ADAM12: variants seen among roughly 807,000 people sequenced by gnomAD.
The protein encoded by ADAM12 is disintegrin and metalloproteinase domain-containing protein 12.
A neutral mutation model predicts 106.4 loss-of-function variants in ADAM12; 70 were observed. That is an observed-to-expected ratio of 0.66 (90% confidence interval 0.54 to 0.80). The LOEUF (loss-of-function observed/expected upper bound fraction) is 0.80. ADAM12 is among the 30% of genes least tolerant of loss of function. The pLI is 0.00. For missense variants in ADAM12, 1,010 were observed against 1,171.9 expected (o/e 0.86, Z 2.02); for synonymous variants, 420 against 433.5 (o/e 0.97, Z 0.39).
At chr10:126,230,847 T>G (rs1958295769) in intron 3 of ADAM12, among the ~76,000 whole-genome samples, 1 of 152,222 alleles carries the variant, frequency 6.6e-6, no homozygotes, top group African/African-American at 2.4e-5. Flanking sequence ...AAAACAAACA[T>G]TTTTAACTTA....
At chr10:126,041,762 C>A (rs987006839) in intron 18 of ADAM12, 1 of 1,066,718 alleles carries the variant, frequency 9.4e-7, no homozygotes, top group Non-Finnish European at 1.1e-6. Context: ...ACACTGGGCC[C>A]AACCCTTGCT....
intron 18 of ADAM12, 121 bp from the exon 19 acceptor site, chr10:126,039,550 C>T (rs772724639): frequency 9.3e-5 from 109 of 1,171,852 alleles, no homozygotes; most frequent in Non-Finnish European, 1.2e-4. Flanking sequence ...AGAGTACACC[C>T]GTGAGTGATG....
intron 8 of ADAM12, among the ~76,000 whole-genome samples, chr10:126,104,405 G>A (rs1228545877): frequency 6.6e-6 from 1 of 150,526 alleles, no homozygotes; most frequent in Non-Finnish European, 1.5e-5. Flanking sequence ...AGCCAAGATG[G>A]CGCCATTGCA....
At chr10:126,209,731 C>T (rs1474875298) in intron 3 of ADAM12, among the ~76,000 whole-genome samples, 3 of 152,150 alleles carry the variant, frequency 2.0e-5, no homozygotes, top group Non-Finnish European at 4.4e-5. Context: ...ATATTGAATG[C>T]AGGTTTCAAA....
At chr10:126,174,978 G>C (rs956759374) in intron 3 of ADAM12, among the ~76,000 whole-genome samples, 1 of 151,980 alleles carries the variant, frequency 6.6e-6, no homozygotes, top group South Asian at 2.1e-4. Context: ...GGATGGTCTC[G>C]ATCTCCTGAC....
At chr10:126,254,097 T>C (rs1178986151) in intron 3 of ADAM12, among the ~76,000 whole-genome samples, 2 of 152,154 alleles carry the variant, frequency 1.3e-5, no homozygotes, top group Non-Finnish European at 2.9e-5. Flanking sequence ...GCACTGTCCA[T>C]CTTCCCAGCT....
intron 2 of ADAM12, among the ~76,000 whole-genome samples, chr10:126,318,790 G>T (rs1026930569): frequency 2.0e-5 from 3 of 152,204 alleles, no homozygotes; most frequent in African/African-American, 7.2e-5. Context: ...CCAAGACTGG[G>T]TAATTTTTAA....
chr10:126,247,519 T>C (rs945089330), intron 3 of ADAM12, among the ~76,000 whole-genome samples: 2 of 152,238 alleles, frequency 1.3e-5, no homozygotes, highest in African/African-American at 2.4e-5. Context: ...GCCTGCCATC[T>C]GTGACGTATG....
intron 3 of ADAM12, among the ~76,000 whole-genome samples, chr10:126,216,872 G>A (rs1321151922): frequency 1.3e-5 from 2 of 152,196 alleles, no homozygotes; most frequent in South Asian, 2.1e-4. Flanking sequence ...TACCCCCAAA[G>A]GGCTTCTCAT....
At chr10:126,235,204 C>T (rs543670675) in intron 3 of ADAM12, among the ~76,000 whole-genome samples, 10 of 152,338 alleles carry the variant, frequency 6.6e-5, no homozygotes, top group African/African-American at 2.4e-4. Flanking sequence ...CCTCAGGTGA[C>T]CCATCAGGAA....
intron 3 of ADAM12, among the ~76,000 whole-genome samples, chr10:126,269,201 G>A (rs771695937): frequency 6.6e-6 from 1 of 152,128 alleles, no homozygotes; most frequent in Non-Finnish European, 1.5e-5. Flanking sequence ...TTTAGTTTTG[G>A]TGGGTTTTAG....
chr10:126,257,719 C>A (rs917087361), intron 3 of ADAM12, among the ~76,000 whole-genome samples: 2 of 152,076 alleles, frequency 1.3e-5, no homozygotes, highest in African/African-American at 2.4e-5. Context: ...GGAAATATAA[C>A]CATCCTCATT....
At chr10:126,092,551 A>G (rs536138959) in intron 11 of ADAM12, among the ~76,000 whole-genome samples, 5 of 152,320 alleles carry the variant, frequency 3.3e-5, no homozygotes, top group Admixed American at 2.0e-4. Context: ...TTTTGGAGAG[A>G]CACACATGTT....
At chr10:126,028,970 A>C (rs1319979928) in intron 21 of ADAM12, among the ~76,000 whole-genome samples, 2 of 152,246 alleles carry the variant, frequency 1.3e-5, no homozygotes, top group Non-Finnish European at 2.9e-5. Context: ...TCTCAAAAGA[A>C]GACATTCATG....
At chr10:126,125,627 A>G (rs1390940053) in intron 5 of ADAM12, among the ~76,000 whole-genome samples, 1 of 151,998 alleles carries the variant, frequency 6.6e-6, no homozygotes, top group African/African-American at 2.4e-5. Flanking sequence ...GAAAATAAAG[A>G]TGAGAGTCCC....
intron 14 of ADAM12, among the ~76,000 whole-genome samples, chr10:126,058,744 G>T (rs1424579296): frequency 6.6e-6 from 1 of 152,204 alleles, no homozygotes; most frequent in Admixed American, 6.5e-5. Flanking sequence ...GCTTCCCGTG[G>T]CTTTTGTGCG....
At chr10:126,098,898 A>G (rs73378613) in intron 9 of ADAM12, among the ~76,000 whole-genome samples, 1,722 of 152,380 alleles carry the variant, frequency 0.011, 36 homozygotes, top group African/African-American at 0.039. Flanking sequence ...TTTTCACCAT[A>G]GCTTAACTGC....
At chr10:126,350,013 C>T (rs1207174101) in intron 1 of ADAM12, among the ~76,000 whole-genome samples, 4 of 152,152 alleles carry the variant, frequency 2.6e-5, no homozygotes, top group Non-Finnish European at 5.9e-5. Flanking sequence ...TTTCATCTTT[C>T]CTTCAACTCT....
chr10:126,035,227 T>C (rs1426476360), intron 21 of ADAM12, among the ~76,000 whole-genome samples: 2 of 152,184 alleles, frequency 1.3e-5, no homozygotes, highest in Admixed American at 6.5e-5. Context: ...TTTTATATTA[T>C]GAGGCTTAAA....
Sources: gnomAD v4.1 joint callset for allele counts (sites outside exome capture counted in the v4.1 genomes callset) on GRCh38, gnomAD v4.1.1 for gene constraint, MANE v1.5 for transcripts, NCBI Gene and HGNC (gene_info 2026-07-23, HGNC 2026-07-21) for gene names.